NSUN6: variants seen among roughly 807,000 people sequenced by gnomAD.
NSUN6 encodes the protein tRNA (cytosine(72)-C(5))-methyltransferase NSUN6.
In NSUN6, 64 loss-of-function variants were observed where a neutral mutation model predicts 58.0. The observed-to-expected ratio is 1.10, with a 90% CI of 0.90 to 1.36. The LOEUF (loss-of-function observed/expected upper bound fraction) is 1.36. NSUN6 is among the 40% of genes most tolerant of loss of function. The probability of loss-of-function intolerance (pLI) is 0.00; values close to 1 mark genes in which losing one functional copy is unlikely to be tolerated. For missense variants in NSUN6, 701 were observed against 550.1 expected, an observed-to-expected ratio of 1.27 and a Z score of -2.74; for synonymous variants, 231 against 193.9, an observed-to-expected ratio of 1.19 and a Z score of -1.59.
chr10:18,652,692 T>A, upstream of NSUN6: 1 of 520,840 alleles, frequency 1.9e-6, no homozygotes, highest in Non-Finnish European at 2.5e-6. Context: ...CCCGAGTAGC[T>A]AAAATTACAG....
At position 18,616,961 on chromosome 10, in the gene NSUN6, G is replaced by A. The variant is rs577582750; in HGVS notation, c.312-668C>T. Among the ~76,000 whole-genome samples, 13 of 151,982 alleles carry A rather than the reference G, an allele frequency of 8.6e-5. No homozygotes were observed. In the South Asian group the frequency reaches 1.5e-3, roughly 17 times the overall value. On this transcript the variant is annotated intron_variant, in intron 3 of 10. Transcript: ENST00000377304. ...GCATCCTGTCTTCAATTCCATGATC[G>A]CCAATTCATCAAATCTTACTAATTT...
intron 3 of NSUN6, among the ~76,000 whole-genome samples, chr10:18,641,886 T>C (rs969646344): frequency 3.9e-5 from 6 of 152,024 alleles, no homozygotes; most frequent in South Asian, 2.1e-4. Flanking sequence ...CTGGGACACA[T>C]AGTGTGACTG....
At chr10:18,591,244 G>A (rs1465386140) in intron 7 of NSUN6, among the ~76,000 whole-genome samples, 1 of 151,978 alleles carries the variant, frequency 6.6e-6, no homozygotes, top group African/African-American at 2.4e-5. Context: ...GGCGGTAATA[G>A]CCTACCAACT....
At chr10:18,555,783 G>C (rs1456448280) in intron 8 of NSUN6, among the ~76,000 whole-genome samples, 1 of 150,796 alleles carries the variant, frequency 6.6e-6, no homozygotes, top group Non-Finnish European at 1.5e-5. Flanking sequence ...GAATGGAATG[G>C]AGAATGGAAT....
upstream of NSUN6, chr10:18,651,615 T>G: frequency 2.0e-6 from 2 of 986,708 alleles, no homozygotes; most frequent in Non-Finnish European, 2.4e-6. Flanking sequence ...CCCCTATTTC[T>G]CGGCGGAAAG....
chr10:18,651,059 T>C (rs769522920), intron 1 of NSUN6, 70 bp downstream of exon 1: 35 of 1,554,946 alleles, frequency 2.3e-5, no homozygotes, highest in Non-Finnish European at 3.0e-5. Flanking sequence ...TATACTTATT[T>C]CTATTTCTCT....
intron 5 of NSUN6, among the ~76,000 whole-genome samples, chr10:18,613,023 T>G (rs2058291452): frequency 6.6e-6 from 1 of 152,220 alleles, no homozygotes; most frequent in Admixed American, 6.5e-5. Context: ...GCATTTCTGT[T>G]ATAGCAGCCT....
At chr10:18,549,305 T>C (rs1409543787) in intron 9 of NSUN6, among the ~76,000 whole-genome samples, 1 of 152,158 alleles carries the variant, frequency 6.6e-6, no homozygotes, top group African/African-American at 2.4e-5. Context: ...CTCCTGCTGT[T>C]TCTGGAACAC....
At chr10:18,652,320 G>A (rs770282336), upstream of NSUN6, 1 of 984,282 alleles carries the variant, frequency 1.0e-6, no homozygotes, top group Middle Eastern at 5.2e-4. Flanking sequence ...GTACAGGAAA[G>A]TCAAAATAAT....
intron 6 of NSUN6, among the ~76,000 whole-genome samples, chr10:18,597,005 C>T (rs926260582): frequency 6.6e-6 from 1 of 152,110 alleles, no homozygotes; most frequent in Non-Finnish European, 1.5e-5. Context: ...ATGTTTGGGT[C>T]CCTGCTTCCA....
intron 8 of NSUN6, among the ~76,000 whole-genome samples, chr10:18,552,763 CTCCAT>C: frequency 6.6e-6 from 1 of 151,364 alleles, no homozygotes; most frequent in Middle Eastern, 3.4e-3. Flanking sequence ...CCATTCTATT[CTCCAT>C]TCCATTTGAT....
chr10:18,580,668 C>T (rs1422437756), intron 8 of NSUN6, among the ~76,000 whole-genome samples: 2 of 152,188 alleles, frequency 1.3e-5, no homozygotes, highest in East Asian at 3.9e-4. Flanking sequence ...GCTGCCACCC[C>T]AGCCCAGCAT....
chr10:18,606,390 T>TG (rs370001379), intron 6 of NSUN6, among the ~76,000 whole-genome samples: 121,723 of 151,726 alleles, frequency 0.8, 48,953 homozygotes, highest in East Asian at 0.98. Context: ...CAAGGCAAGA[T>TG]AGTTATCGCA....
Position 18,624,328 on chromosome 10 carries a change from T to C in NSUN6, c.312-8035A>G, listed in dbSNP as rs554021187. 1.6e-3 allele frequency among the ~76,000 whole-genome samples: 248 copies of C among 152,052 alleles called. 2 individuals are homozygous for C. The highest frequency in any genetic ancestry group is 5.8e-3 in the African/African-American group (242 of 41,486). On this transcript the variant is annotated intron_variant, in intron 3 of 10. Coordinates refer to ENST00000377304, the MANE Select transcript of NSUN6 (RefSeq NM_182543.5). ...CAGACAAGATAAAACTTATCTCCTA[T>C]ACTATTGACAAGAGAGCCACTTTGA...
intron 6 of NSUN6, among the ~76,000 whole-genome samples, chr10:18,605,097 G>A (rs1281970684): frequency 1.3e-5 from 2 of 151,336 alleles, no homozygotes; most frequent in African/African-American, 4.8e-5. Context: ...GTGTTAGCCA[G>A]GATGGTCTCC....
intron 6 of NSUN6, 48 bp downstream of exon 6, chr10:18,609,797 G>A: frequency 1.0e-6 from 1 of 973,656 alleles, no homozygotes. Context: ...ATAATTCACT[G>A]ATGTATGTTT....
At chr10:18,645,194 T>C (rs963322196) in intron 2 of NSUN6, among the ~76,000 whole-genome samples, 1 of 147,770 alleles carries the variant, frequency 6.8e-6, no homozygotes, top group Admixed American at 6.8e-5. Flanking sequence ...TGTATATAAA[T>C]ACAATTTTCT....
chr10:18,550,473 G>A (rs1052297775), intron 9 of NSUN6, among the ~76,000 whole-genome samples: 6 of 152,142 alleles, frequency 3.9e-5, no homozygotes, highest in African/African-American at 1.4e-4. Context: ...ATTTTGGAGG[G>A]CTGGGAGGAA....
intron 7 of NSUN6, among the ~76,000 whole-genome samples, chr10:18,586,716 GATTT>G (rs1313261792): frequency 6.6e-6 from 1 of 152,260 alleles, no homozygotes; most frequent in African/African-American, 2.4e-5. Context: ...GCGGCAGCAA[GATTT>G]ATTGTGAAGA....
Sources: allele counts gnomAD v4.1 joint callset (sites outside exome capture counted in the v4.1 genomes callset), GRCh38; gene constraint gnomAD v4.1.1; transcripts MANE v1.5; gene names NCBI Gene and HGNC (gene_info 2026-07-23, HGNC 2026-07-21).